The following MYO1D variants were observed in gnomAD, a reference collection of about 807,000 sequenced individuals.
The protein encoded by MYO1D is myosin ID, also known as unconventional myosin-Id.
MYO1D carries 83 observed loss-of-function variants against 122.0 expected under a neutral mutation model. The ratio of observed to expected loss-of-function variants is 0.68; its 90% CI spans 0.57 to 0.82. MYO1D has a LOEUF of 0.82. Among genes scored for constraint, MYO1D ranks in the 40% least tolerant of loss-of-function variants. The pLI is 0.00. For synonymous variants in MYO1D, 464 were observed against 446.9 expected, an observed-to-expected ratio of 1.04 and a Z score of -0.48; for missense variants, 1,157 against 1,269.5, an observed-to-expected ratio of 0.91 and a Z score of 1.35.
chr17:32,608,558 T>A (rs576090434), intron 20 of MYO1D, among the ~76,000 whole-genome samples: 1 of 152,164 alleles, frequency 6.6e-6, no homozygotes, highest in East Asian at 1.9e-4. Flanking sequence ...ATACAAAATG[T>A]AAAATGTTAC....
intron 3 of MYO1D, among the ~76,000 whole-genome samples, chr17:32,778,028 G>A (rs1450722228): frequency 6.6e-6 from 1 of 152,198 alleles, no homozygotes; most frequent in Non-Finnish European, 1.5e-5. Flanking sequence ...GCATGGGTCT[G>A]CCTTCCAGAG....
intron 21 of MYO1D, among the ~76,000 whole-genome samples, chr17:32,552,554 T>A (rs1418758961): frequency 6.6e-6 from 1 of 152,070 alleles, no homozygotes; most frequent in Non-Finnish European, 1.5e-5. Flanking sequence ...TATCCATCCA[T>A]CCACTCTTTC....
chr17:32,727,282 T>G (rs2089588571), intron 14 of MYO1D, among the ~76,000 whole-genome samples: 1 of 152,204 alleles, frequency 6.6e-6, no homozygotes, highest in African/African-American at 2.4e-5. Context: ...ATTGGACATG[T>G]GTGCGAGGTG....
At chr17:32,703,957 A>T (rs1211604233) in intron 16 of MYO1D, among the ~76,000 whole-genome samples, 1 of 152,260 alleles carries the variant, frequency 6.6e-6, no homozygotes, top group East Asian at 1.9e-4. Flanking sequence ...AAGAAGAAAA[A>T]AAGCTAAAAT....
chr17:32,742,432 C>T (rs1042069260), intron 13 of MYO1D, among the ~76,000 whole-genome samples: 3 of 152,194 alleles, frequency 2.0e-5, no homozygotes, highest in Non-Finnish European at 2.9e-5. Flanking sequence ...TAGTTCACCA[C>T]TGAAAGGTGA....
At chr17:32,867,798 C>CAAAAA (rs5820001) in intron 1 of MYO1D, among the ~76,000 whole-genome samples, 21 of 53,932 alleles carry the variant, frequency 3.9e-4, no homozygotes, top group East Asian at 7.1e-4. Context: ...GACTCCGTCT[C>CAAAAA]AAAAAAAAAA....
At chr17:32,748,909 T>A in intron 12 of MYO1D, 27 bp downstream of exon 12, 1 of 1,586,322 alleles carries the variant, frequency 6.3e-7, no homozygotes, top group Non-Finnish European at 8.6e-7. Context: ...ATGCAAATCA[T>A]GGTAGGTACC....
chr17:32,521,289 A>G (rs969557474), intron 21 of MYO1D, among the ~76,000 whole-genome samples: 2 of 152,102 alleles, frequency 1.3e-5, no homozygotes, highest in African/African-American at 4.8e-5. Flanking sequence ...AAACACACCT[A>G]AAATAGGGAA....
At chr17:32,769,483 C>T (rs2090092538) in intron 6 of MYO1D, among the ~76,000 whole-genome samples, 2 of 152,174 alleles carry the variant, frequency 1.3e-5, no homozygotes, top group African/African-American at 4.8e-5. Flanking sequence ...TCTTCTCCTA[C>T]TTGCAACCCA....
intron 1 of MYO1D, among the ~76,000 whole-genome samples, chr17:32,787,458 G>A (rs570668696): frequency 3.3e-5 from 5 of 150,076 alleles, no homozygotes; most frequent in East Asian, 3.9e-4. Flanking sequence ...TCACTTTGTC[G>A]CCCAGGCTGG....
intron 20 of MYO1D, among the ~76,000 whole-genome samples, chr17:32,614,072 A>ATTTTTTTT (rs527897976): frequency 7.9e-6 from 1 of 126,624 alleles, no homozygotes; most frequent in African/African-American, 3.0e-5. Context: ...TAATGTTTTA[A>ATTTTTTTT]TTTTTTTTTT....
chr17:32,501,838 T>C (rs114730372), intron 21 of MYO1D, among the ~76,000 whole-genome samples: 28 of 152,340 alleles, frequency 1.8e-4, no homozygotes, highest in South Asian at 8.3e-4. Context: ...AGCAAATTAA[T>C]TGAACCCAAA....
intron 4 of MYO1D, among the ~76,000 whole-genome samples, chr17:32,774,903 A>G (rs4556837): frequency 0.49 from 75,016 of 152,110 alleles, 18,801 homozygotes; most frequent in East Asian, 0.73. Context: ...TTAGATCTGT[A>G]TGAATTCAAG....
chr17:32,691,848 G>A (rs1420995260), intron 16 of MYO1D, among the ~76,000 whole-genome samples: 4 of 152,138 alleles, frequency 2.6e-5, no homozygotes, highest in African/African-American at 9.7e-5. Flanking sequence ...TACCCCTCCA[G>A]AAAGTTCTCA....
intron 1 of MYO1D, among the ~76,000 whole-genome samples, chr17:32,858,269 T>C (rs554580530): frequency 6.6e-6 from 1 of 152,314 alleles, no homozygotes; most frequent in Admixed American, 6.5e-5. Context: ...AATACAACTA[T>C]CAATATCAGG....
chr17:32,751,071 CTTTA>C (rs1316982875), intron 11 of MYO1D, among the ~76,000 whole-genome samples: 2 of 151,932 alleles, frequency 1.3e-5, no homozygotes, highest in African/African-American at 4.8e-5. Context: ...TTAGATTTTT[CTTTA>C]TTTTTTTTGG....
At chr17:32,658,163 T>C (rs1446770402) in intron 17 of MYO1D, among the ~76,000 whole-genome samples, 1 of 152,222 alleles carries the variant, frequency 6.6e-6, no homozygotes, top group Non-Finnish European at 1.5e-5. Context: ...GCATATGAGA[T>C]ATATATTAAA....
chr17:32,613,851 G>T (rs1179620894), intron 20 of MYO1D, among the ~76,000 whole-genome samples: 1 of 135,418 alleles, frequency 7.4e-6, no homozygotes, highest in African/African-American at 2.7e-5. Flanking sequence ...TTTATTAATA[G>T]TTCACATTTA....
intron 21 of MYO1D, among the ~76,000 whole-genome samples, chr17:32,516,401 A>AT (rs996671645): frequency 5.3e-5 from 8 of 151,990 alleles, no homozygotes; most frequent in Non-Finnish European, 7.4e-5. Flanking sequence ...CTGCTCTCTT[A>AT]TTTTTTATTT....
Sources: allele counts gnomAD v4.1 joint callset (sites outside exome capture counted in the v4.1 genomes callset), GRCh38; gene constraint gnomAD v4.1.1; transcripts MANE v1.5; gene names NCBI Gene and HGNC (gene_info 2026-07-23, HGNC 2026-07-21).